PRKN: variants seen among roughly 807,000 people sequenced by gnomAD.
PRKN encodes parkin RBR E3 ubiquitin protein ligase, also known as E3 ubiquitin-protein ligase parkin.
A neutral mutation model predicts 59.5 loss-of-function variants in PRKN; 56 were observed. That is an observed-to-expected ratio of 0.94 (90% CI 0.76 to 1.18). PRKN has a LOEUF of 1.18. Ranked by LOEUF, PRKN falls within the 50% of genes most tolerant of loss-of-function variation. PRKN has a pLI of 0.00. For synonymous variants in PRKN, 250 were observed against 222.1 expected, an observed-to-expected ratio of 1.13 and a Z score of -1.12; for missense variants, 657 against 596.4, an observed-to-expected ratio of 1.10 and a Z score of -1.06.
intron 1 of PRKN, among the ~76,000 whole-genome samples, chr6:162,511,562 A>C (rs192740143): frequency 5.6e-4 from 85 of 152,318 alleles, no homozygotes; most frequent in African/African-American, 1.9e-3. Flanking sequence ...GGAATAGGAA[A>C]TCAGAATCTA....
At chr6:162,509,270 C>A (rs1157033167) in intron 1 of PRKN, among the ~76,000 whole-genome samples, 2 of 152,162 alleles carry the variant, frequency 1.3e-5, no homozygotes, top group African/African-American at 4.8e-5. Context: ...CCTTTCCAAC[C>A]TGGTATCCAT....
intron 1 of PRKN, among the ~76,000 whole-genome samples, chr6:162,664,287 C>T (rs1779012067): frequency 6.6e-6 from 1 of 152,208 alleles, no homozygotes; most frequent in Admixed American, 6.5e-5. Context: ...TTTATCCAGT[C>T]TATCACTGAT....
chr6:161,727,605 T>C (rs1166118502), intron 7 of PRKN, among the ~76,000 whole-genome samples: 1 of 152,240 alleles, frequency 6.6e-6, no homozygotes, highest in African/African-American at 2.4e-5. Context: ...AAATGCTTGC[T>C]GTGATCATCC....
At chr6:161,435,217 TA>T (rs1290245116) in intron 9 of PRKN, among the ~76,000 whole-genome samples, 1 of 152,206 alleles carries the variant, frequency 6.6e-6, no homozygotes, top group Admixed American at 6.5e-5. Flanking sequence ...GATTTCACTC[TA>T]AAATCATTTT....
At chr6:162,528,050 TG>T (rs1254803731) in intron 1 of PRKN, among the ~76,000 whole-genome samples, 7 of 31,312 alleles carry the variant, frequency 2.2e-4, no homozygotes, top group Non-Finnish European at 3.4e-4. Context: ...CCCAGCACTT[TG>T]GGAGGTCGGG....
At chr6:161,571,957 G>A (rs1780905440) in intron 7 of PRKN, among the ~76,000 whole-genome samples, 2 of 152,104 alleles carry the variant, frequency 1.3e-5, no homozygotes, top group African/African-American at 4.8e-5. Flanking sequence ...AGACATACAC[G>A]ACTCCCAAAC....
chr6:162,242,043 T>G (rs963083317), intron 3 of PRKN, among the ~76,000 whole-genome samples: 10 of 151,966 alleles, frequency 6.6e-5, no homozygotes, highest in Non-Finnish European at 1.3e-4. Context: ...CTCCCACATT[T>G]AAAATTAAGG....
At chr6:162,089,042 A>C (rs1048058703) in intron 4 of PRKN, among the ~76,000 whole-genome samples, 28 of 152,330 alleles carry the variant, frequency 1.8e-4, no homozygotes, top group Middle Eastern at 3.4e-3. Flanking sequence ...GAGCGAACAA[A>C]GACAACATAT....
chr6:161,584,852 C>G lies in PRKN; in HGVS notation c.872-15436G>C, dbSNP rs896518260. On this transcript the variant is annotated intron_variant, in intron 7 of 11. Transcript: ENST00000366898. This position sits in a 1 kb window ranked among gnomAD's most constrained non-coding sequence, Gnocchi z 4.8. ...GATTTTTCAGCATGTCAAAATTATACTATCACACCATGGAAACAAATTAAA... is the reference window on the plus strand; with the variant it reads ...GATTTTTCAGCATGTCAAAATTATAGTATCACACCATGGAAACAAATTAAA... Among the ~76,000 whole-genome samples, 20 of 152,170 alleles carry G rather than the reference C, an allele frequency of 1.3e-4. No individual in the cohort carries two copies. The highest frequency in any genetic ancestry group is 7.9e-4 in the Admixed American group (12 of 15,272).
intron 3 of PRKN, among the ~76,000 whole-genome samples, chr6:162,221,781 A>C (rs2128081049): frequency 6.6e-6 from 1 of 152,352 alleles, no homozygotes; most frequent in Admixed American, 6.5e-5. Context: ...GATTTTCAGC[A>C]GATGCAAATT....
intron 7 of PRKN, among the ~76,000 whole-genome samples, chr6:161,570,146 A>AAAAAAAAAATAT (rs869285771): frequency 6.5e-5 from 5 of 76,588 alleles, no homozygotes; most frequent in African/African-American, 2.7e-4. Flanking sequence ...AAAAAAAAAA[A>AAAAAAAAAATAT]ATATATATAT....
intron 5 of PRKN, among the ~76,000 whole-genome samples, chr6:162,045,676 G>GATGATAGCTCCTTA (rs1310576277): frequency 6.6e-6 from 1 of 152,218 alleles, no homozygotes; most frequent in Admixed American, 6.5e-5. Flanking sequence ...GAGTAAGACA[G>GATGATAGCTCCTTA]ATGATAGCTC....
intron 2 of PRKN, among the ~76,000 whole-genome samples, chr6:162,360,604 A>C (rs1414652236): frequency 6.6e-6 from 1 of 152,202 alleles, no homozygotes; most frequent in East Asian, 1.9e-4. Flanking sequence ...AAACAAAAAA[A>C]CCAAAAAACA....
In PRKN at chr6:161,554,403, TACAC is replaced by T. The variant is rs57551959; in HGVS notation, c.934-5404_934-5401del. On this transcript the variant is annotated intron_variant, in intron 8 of 11. Transcript: ENST00000366898. This position sits in a 1 kb window ranked among gnomAD's most constrained non-coding sequence, Gnocchi z 4.5. ...TAACCTTCATGTTATCTTACTTCTA[TACAC>T]ACACACACACACACACACACACACG... Among the ~76,000 whole-genome samples the T allele has an allele frequency of 4.8e-5, 7 of 147,086 alleles. No homozygotes were observed. Among genetic ancestry groups the T allele is most frequent in the South Asian group, 2.2e-4 (1 of 4,548 alleles).
intron 1 of PRKN, among the ~76,000 whole-genome samples, chr6:162,547,940 G>C (rs1779181911): frequency 6.6e-6 from 1 of 151,794 alleles, no homozygotes; most frequent in African/African-American, 2.4e-5. Flanking sequence ...CACATCCACT[G>C]GTCTCCCACT....
intron 1 of PRKN, among the ~76,000 whole-genome samples, chr6:162,518,034 T>G (rs1459067531): frequency 6.6e-6 from 1 of 152,150 alleles, no homozygotes; most frequent in African/African-American, 2.4e-5. Flanking sequence ...CTGTGAAAAA[T>G]GTGTGGTAGT....
intron 2 of PRKN, among the ~76,000 whole-genome samples, chr6:162,432,491 A>C (rs186473287): frequency 6.6e-6 from 1 of 152,222 alleles, no homozygotes; most frequent in East Asian, 1.9e-4. Context: ...ACACCACTGC[A>C]CCCCAACCTG....
At chr6:161,818,419 C>A (rs920086456) in intron 6 of PRKN, among the ~76,000 whole-genome samples, 9 of 151,798 alleles carry the variant, frequency 5.9e-5, no homozygotes, top group Admixed American at 2.6e-4. Context: ...ACTGCTGCCT[C>A]AACCTCCCAT....
chr6:162,664,998 A>C (rs1779042011), intron 1 of PRKN, among the ~76,000 whole-genome samples: 1 of 152,044 alleles, frequency 6.6e-6, no homozygotes, highest in African/African-American at 2.4e-5. Context: ...CATGTTAAAA[A>C]CTCTCAATAA....
Sources: allele counts gnomAD v4.1 joint callset (sites outside exome capture counted in the v4.1 genomes callset), GRCh38; gene constraint gnomAD v4.1.1; non-coding constraint Gnocchi (gnomAD v3.1); transcripts MANE v1.5; gene names NCBI Gene and HGNC (gene_info 2026-07-23, HGNC 2026-07-21).